The following NDFIP2 variants were observed in gnomAD, a reference collection of about 807,000 sequenced individuals.
The protein encoded by NDFIP2 is Nedd4 family interacting protein 2, also known as NEDD4 family-interacting protein 2.
In NDFIP2, 19 loss-of-function variants were observed where a neutral mutation model predicts 36.0. The ratio of observed to expected loss-of-function variants is 0.53; its 90% confidence interval spans 0.37 to 0.77. The LOEUF (loss-of-function observed/expected upper bound fraction) is 0.77. Among genes scored for constraint, NDFIP2 ranks in the 30% least tolerant of loss-of-function variants. The pLI is 0.00. For synonymous variants in NDFIP2, 181 were observed against 167.7 expected (o/e 1.08, Z -0.61); for missense variants, 446 against 435.8 (o/e 1.02, Z -0.21).
intron 1 of NDFIP2, among the ~76,000 whole-genome samples, chr13:79,516,312 G>A (rs971039298): frequency 3.3e-5 from 5 of 152,112 alleles, no homozygotes; most frequent in East Asian, 1.9e-4. Flanking sequence ...GGGGTGCAGC[G>A]GTGCGATCAC....
At chr13:79,539,654 G>A (rs1289360812) in intron 3 of NDFIP2, 28 bp from the exon 4 acceptor site, 2 of 1,563,170 alleles carry the variant, frequency 1.3e-6, no homozygotes, top group Non-Finnish European at 1.8e-6. Flanking sequence ...AATTTTTAGT[G>A]AGCTATTCCA....
At chr13:79,523,701 T>A (rs74523920) in intron 2 of NDFIP2, among the ~76,000 whole-genome samples, 1,719 of 152,256 alleles carry the variant, frequency 0.011, 35 homozygotes, top group African/African-American at 0.039. Context: ...TGTGATGATA[T>A]GAGATGATAA....
At chr13:79,549,277 A>AG (rs1875807388) in intron 6 of NDFIP2, among the ~76,000 whole-genome samples, 1 of 151,932 alleles carries the variant, frequency 6.6e-6, no homozygotes, top group Non-Finnish European at 1.5e-5. Flanking sequence ...ATGCATCTGG[A>AG]GGTGAAGCCA....
chr13:79,495,300 C>A (rs554205007), intron 1 of NDFIP2, among the ~76,000 whole-genome samples: 1 of 151,752 alleles, frequency 6.6e-6, no homozygotes, highest in East Asian at 1.9e-4. Flanking sequence ...CTACTAATTG[C>A]TGAAGAAGAG....
intron 1 of NDFIP2, among the ~76,000 whole-genome samples, chr13:79,495,169 T>C (rs891257697): frequency 2.6e-5 from 4 of 151,980 alleles, no homozygotes; most frequent in African/African-American, 9.7e-5. Flanking sequence ...GATAATATAC[T>C]GTGTGCACTT....
chr13:79,536,152 T>A (rs541024192), intron 3 of NDFIP2, among the ~76,000 whole-genome samples: 1 of 152,344 alleles, frequency 6.6e-6, no homozygotes, highest in East Asian at 1.9e-4. Flanking sequence ...ATTGTTAATA[T>A]TTCTATGAAA....
intron 1 of NDFIP2, among the ~76,000 whole-genome samples, chr13:79,502,935 C>T (rs1015156231): frequency 3.4e-5 from 5 of 147,474 alleles, no homozygotes; most frequent in Non-Finnish European, 6.0e-5. Flanking sequence ...AGAATATACA[C>T]GTGGGTAGGG....
chr13:79,515,179 G>A (rs912418872), intron 1 of NDFIP2, among the ~76,000 whole-genome samples: 2 of 152,084 alleles, frequency 1.3e-5, no homozygotes, highest in Non-Finnish European at 2.9e-5. Flanking sequence ...GTGAGTATTT[G>A]TATATATAAA....
chr13:79,524,453 G>A (rs1403791684), intron 2 of NDFIP2, among the ~76,000 whole-genome samples: 4 of 152,196 alleles, frequency 2.6e-5, no homozygotes, highest in Admixed American at 6.5e-5. Context: ...GGGCTGCATC[G>A]ATTGCTGATC....
intron 2 of NDFIP2, 116 bp from the exon 3 acceptor site, chr13:79,533,207 C>A (rs1875085306): frequency 2.7e-6 from 2 of 729,156 alleles, no homozygotes; most frequent in Middle Eastern, 3.5e-4. Flanking sequence ...ATAACATAGG[C>A]CTATAATAGC....
At chr13:79,520,412 A>T (rs1874524230) in intron 1 of NDFIP2, among the ~76,000 whole-genome samples, 1 of 152,194 alleles carries the variant, frequency 6.6e-6, no homozygotes, top group Admixed American at 6.5e-5. Context: ...AAATGGCTTC[A>T]ATAGGCCAGA....
chr13:79,538,029 G>A (rs2137107091), intron 3 of NDFIP2, among the ~76,000 whole-genome samples: 1 of 152,264 alleles, frequency 6.6e-6, no homozygotes, highest in Middle Eastern at 3.4e-3. Flanking sequence ...TTACATGGCT[G>A]GAGCAGGAGG....
At chr13:79,493,242 G>A (rs58833188) in intron 1 of NDFIP2, among the ~76,000 whole-genome samples, 6,516 of 152,236 alleles carry the variant, frequency 0.043, 485 homozygotes, top group African/African-American at 0.15. Flanking sequence ...TGTGCATGGC[G>A]ATACTGGTAT....
At chr13:79,540,827 A>G (rs1400639513) in intron 4 of NDFIP2, among the ~76,000 whole-genome samples, 1 of 152,166 alleles carries the variant, frequency 6.6e-6, no homozygotes, top group African/African-American at 2.4e-5. Flanking sequence ...CAAATTTACT[A>G]ATTGTAATGT....
intron 4 of NDFIP2, among the ~76,000 whole-genome samples, chr13:79,541,458 T>C (rs909026385): frequency 6.6e-6 from 1 of 151,502 alleles, no homozygotes; most frequent in South Asian, 2.1e-4. Flanking sequence ...AAATTTTTAC[T>C]AAATTGTTTC....
intron 1 of NDFIP2, among the ~76,000 whole-genome samples, chr13:79,510,909 T>A (rs551867400): frequency 6.7e-6 from 1 of 148,562 alleles, no homozygotes; most frequent in South Asian, 2.1e-4. Flanking sequence ...TGAGGCAGGA[T>A]AATAGCTTTA....
chr13:79,513,460 T>C (rs1026574127), intron 1 of NDFIP2, among the ~76,000 whole-genome samples: 1 of 152,216 alleles, frequency 6.6e-6, no homozygotes, highest in African/African-American at 2.4e-5. Flanking sequence ...TATTGTGATA[T>C]AAAACTACAA....
At chr13:79,550,237 AT>A (rs1002495293) in intron 6 of NDFIP2, among the ~76,000 whole-genome samples, 6 of 151,736 alleles carry the variant, frequency 4.0e-5, no homozygotes, top group African/African-American at 1.4e-4. Flanking sequence ...CTTATCTAAT[AT>A]TTTTTATGTG....
At chr13:79,501,472 A>C (rs1353569828) in intron 1 of NDFIP2, among the ~76,000 whole-genome samples, 1 of 152,090 alleles carries the variant, frequency 6.6e-6, no homozygotes, top group Non-Finnish European at 1.5e-5. Flanking sequence ...ATCTCTAAGA[A>C]GTGAAGTCTG....
Sources: gnomAD v4.1 joint callset for allele counts (sites outside exome capture counted in the v4.1 genomes callset) on GRCh38, gnomAD v4.1.1 for gene constraint, MANE v1.5 for transcripts, NCBI Gene and HGNC (gene_info 2026-07-23, HGNC 2026-07-21) for gene names.